SLC24A2: variants seen among roughly 807,000 people sequenced by gnomAD.
SLC24A2 encodes the protein solute carrier family 24 member 2, also known as sodium/potassium/calcium exchanger 2.
A neutral mutation model predicts 62.0 loss-of-function variants in SLC24A2; 36 were observed. The ratio of observed to expected loss-of-function variants is 0.58; its 90% CI spans 0.44 to 0.77. The LOEUF is 0.77. Ranked by LOEUF, SLC24A2 falls within the 30% of genes least tolerant of loss-of-function variation. The pLI, the probability that SLC24A2 is intolerant of heterozygous loss-of-function variation, is 0.00. For synonymous variants in SLC24A2, 358 were observed against 294.0 expected (o/e 1.22, Z -2.23); for missense variants, 846 against 817.9 (o/e 1.03, Z -0.42).
At chr9:19,887,153 G>A in the SLC24A2 span, among the ~76,000 whole-genome samples, 2 of 152,078 alleles carry the variant, frequency 1.3e-5, no homozygotes, top group African/African-American at 2.4e-5. Context: ...TATGGCACAC[G>A]TTTATCTATA....
chr9:19,967,263 A>G, the SLC24A2 span: 1 of 152,016 alleles, frequency 6.6e-6, no homozygotes, highest in East Asian at 1.9e-4. Flanking sequence ...GCAAGTCACT[A>G]TTTTCTTTAA....
chr9:19,674,715 A>T (rs751777619), intron 2 of SLC24A2, among the ~76,000 whole-genome samples: 11 of 152,112 alleles, frequency 7.2e-5, no homozygotes, highest in Admixed American at 2.6e-4. Flanking sequence ...AGAAGTTATG[A>T]TTTTTAATGC....
At chr9:20,018,736 A>C in the SLC24A2 span, among the ~76,000 whole-genome samples, 1 of 152,150 alleles carries the variant, frequency 6.6e-6, no homozygotes, top group Non-Finnish European at 1.5e-5. Context: ...TGATTGAGGT[A>C]GGTATTATTA....
At chr9:19,970,331 G>T in the SLC24A2 span, among the ~76,000 whole-genome samples, 4 of 152,138 alleles carry the variant, frequency 2.6e-5, no homozygotes, top group African/African-American at 9.7e-5. Context: ...TGTCTAAGAT[G>T]TCACCAAGTT....
chr9:19,970,729 A>T, the SLC24A2 span, among the ~76,000 whole-genome samples: 18 of 152,124 alleles, frequency 1.2e-4, no homozygotes, highest in African/African-American at 2.4e-4. Flanking sequence ...AAATGAATCT[A>T]TTTTCTGTTG....
the SLC24A2 span, among the ~76,000 whole-genome samples, chr9:19,987,247 C>G: frequency 3.9e-5 from 6 of 151,982 alleles, no homozygotes; most frequent in Non-Finnish European, 1.5e-5. Context: ...GTCTCACTGT[C>G]GGGTGGACCT....
chr9:20,260,917 G>A, the SLC24A2 span, among the ~76,000 whole-genome samples: 9 of 139,344 alleles, frequency 6.5e-5, no homozygotes, highest in Non-Finnish European at 9.0e-5. Flanking sequence ...GTGCAGTGGC[G>A]TAATCTCAGC....
the SLC24A2 span, among the ~76,000 whole-genome samples, chr9:20,050,240 C>CGA: frequency 4.9e-4 from 29 of 59,552 alleles, no homozygotes; most frequent in African/African-American, 1.1e-3. Flanking sequence ...CCCGTCTCTA[C>CGA]AAAAAAAAAA....
the SLC24A2 span, among the ~76,000 whole-genome samples, chr9:19,861,032 T>C: frequency 6.6e-6 from 1 of 152,148 alleles, no homozygotes; most frequent in Non-Finnish European, 1.5e-5. Context: ...GGGAAGGAGA[T>C]AGGCCTGGCT....
intron 2 of SLC24A2, among the ~76,000 whole-genome samples, chr9:19,775,261 T>C (rs994160604): frequency 6.6e-6 from 1 of 152,244 alleles, no homozygotes; most frequent in Non-Finnish European, 1.5e-5. Flanking sequence ...TAAATGCAGC[T>C]TCTTGTCTAG....
At chr9:20,228,282 C>A in the SLC24A2 span, among the ~76,000 whole-genome samples, 2 of 152,022 alleles carry the variant, frequency 1.3e-5, no homozygotes, top group East Asian at 1.9e-4. Context: ...AGGTCAAAGT[C>A]CTTGAACTTC....
At chr9:19,658,303 A>C (rs1818999159) in intron 2 of SLC24A2, among the ~76,000 whole-genome samples, 1 of 152,170 alleles carries the variant, frequency 6.6e-6, no homozygotes, top group East Asian at 1.9e-4. Flanking sequence ...AAGCTGGCTC[A>C]TTTGAAGATG....
At chr9:19,560,059 C>T (rs1835314564) in intron 7 of SLC24A2, among the ~76,000 whole-genome samples, 1 of 152,134 alleles carries the variant, frequency 6.6e-6, no homozygotes, top group Non-Finnish European at 1.5e-5. Flanking sequence ...ACAAGGTGTG[C>T]TGTGAGTCAC....
At chr9:20,032,899 G>A in the SLC24A2 span, among the ~76,000 whole-genome samples, 5 of 152,088 alleles carry the variant, frequency 3.3e-5, no homozygotes, top group African/African-American at 1.2e-4. Context: ...CATTCCCAGC[G>A]GCTGACCGAA....
chr9:19,851,669 T>G, the SLC24A2 span, among the ~76,000 whole-genome samples: 1 of 152,212 alleles, frequency 6.6e-6, no homozygotes, highest in Non-Finnish European at 1.5e-5. Flanking sequence ...CATTCCTTTT[T>G]ATGGCTGCAT....
At chr9:20,133,496 AAAT>A in the SLC24A2 span, among the ~76,000 whole-genome samples, 2 of 152,196 alleles carry the variant, frequency 1.3e-5, no homozygotes, top group African/African-American at 4.8e-5. Flanking sequence ...AATTAAACAC[AAAT>A]AATAATTAAG....
chr9:19,920,731 C>T, the SLC24A2 span, among the ~76,000 whole-genome samples: 12 of 152,300 alleles, frequency 7.9e-5, no homozygotes, highest in South Asian at 2.1e-4. Context: ...ATATCTACAA[C>T]TAGAGAGTCC....
At chr9:20,116,358 T>G in the SLC24A2 span, among the ~76,000 whole-genome samples, 1 of 152,160 alleles carries the variant, frequency 6.6e-6, no homozygotes. Flanking sequence ...AAGCACTTTA[T>G]GAGGTGTGGT....
At chr9:19,767,734 G>C (rs1390246274) in intron 2 of SLC24A2, among the ~76,000 whole-genome samples, 3 of 152,214 alleles carry the variant, frequency 2.0e-5, no homozygotes, top group Non-Finnish European at 1.5e-5. Context: ...GCAGACCAGA[G>C]CTGTTTTTAT....
Sources: allele counts gnomAD v4.1 joint callset (sites outside exome capture counted in the v4.1 genomes callset), GRCh38; gene constraint gnomAD v4.1.1; transcripts MANE v1.5; gene names NCBI Gene and HGNC (gene_info 2026-07-23, HGNC 2026-07-21).